The following GSE1 variants were observed in gnomAD, a reference collection of about 807,000 sequenced individuals.
The protein encoded by GSE1 is Gse1 coiled-coil protein, also known as genetic suppressor element 1.
GSE1 carries 32 observed loss-of-function variants against 112.6 expected under a neutral mutation model. The ratio of observed to expected loss-of-function variants is 0.28; its 90% CI spans 0.21 to 0.38. The LOEUF is 0.38. Ranked by LOEUF, GSE1 falls within the 10% of genes least tolerant of loss-of-function variation. GSE1 has a pLI of 1.00. For synonymous variants in GSE1, 1,115 were observed against 735.6 expected (o/e 1.52, Z -8.35); for missense variants, 2,348 against 1,699.2 (o/e 1.38, Z -6.71).
At chr16:85,199,329 TC>T (rs2074986105) in intron 1 of GSE1, among the ~76,000 whole-genome samples, 1 of 152,056 alleles carries the variant, frequency 6.6e-6, no homozygotes, top group Non-Finnish European at 1.5e-5. Context: ...CAAGCAATCC[TC>T]CCGCCTCAGC....
chr16:85,245,931 C>A lies in GSE1; in HGVS notation c.2283+74124C>A, dbSNP rs140696934. ...TGTCTACGTGTGTGTGGGGAGGTGT[C>A]TGCGTGTGTTAGTTGGGGAGCAGGG... On this transcript the variant is annotated intron_variant, in intron 1 of 2. Transcript: ENST00000637419. Among the ~76,000 whole-genome samples, 289 of 148,932 alleles carry A rather than the reference C, an allele frequency of 1.9e-3. 4 individuals are homozygous for A. The highest frequency in any genetic ancestry group is 6.9e-3 in the African/African-American group (278 of 40,334).
At chr16:85,441,358 C>T (rs954071562) in intron 2 of GSE1, among the ~76,000 whole-genome samples, 1 of 152,122 alleles carries the variant, frequency 6.6e-6, no homozygotes, top group African/African-American at 2.4e-5. Context: ...GGGACACTCA[C>T]AAAACAGGGG....
rs939831993 is a variant in GSE1 at position 85,188,867 on chromosome 16, A to C, written c.2283+17060A>C. Among the ~76,000 whole-genome samples the C allele has an allele frequency of 6.6e-5, 10 of 151,974 alleles. No individual in the cohort carries two copies. The South Asian group carries it at 1.9e-3, about 28-fold the overall frequency. On this transcript the variant is annotated intron_variant, in intron 1 of 2. Coordinates refer to the GSE1 transcript ENST00000637419. ...TTTACAAAGATCCATCATCCTCATCACTACCTCTGTTCTTACATTCACCTT... is the reference window on the plus strand; with the variant it reads ...TTTACAAAGATCCATCATCCTCATCCCTACCTCTGTTCTTACATTCACCTT...
chr16:85,321,452 T>A (rs2046105361), intron 1 of GSE1, among the ~76,000 whole-genome samples: 1 of 152,122 alleles, frequency 6.6e-6, no homozygotes, highest in African/African-American at 2.4e-5. Flanking sequence ...AGCAATGTAC[T>A]GAGGCCCCTG....
At chr16:85,265,967 G>A (rs989176440) in intron 1 of GSE1, among the ~76,000 whole-genome samples, 4 of 152,210 alleles carry the variant, frequency 2.6e-5, no homozygotes, top group Non-Finnish European at 5.9e-5. Flanking sequence ...GTTTGCTGTA[G>A]TCCCTGTAAG....
At chr16:85,231,640 C>T (rs1250834880) in intron 1 of GSE1, among the ~76,000 whole-genome samples, 1 of 152,102 alleles carries the variant, frequency 6.6e-6, no homozygotes, top group Non-Finnish European at 1.5e-5. Flanking sequence ...TGGATGTAGC[C>T]CCCTCTCCCT....
At chr16:85,481,594 T>A (rs2151872370) in intron 2 of GSE1, among the ~76,000 whole-genome samples, 1 of 152,294 alleles carries the variant, frequency 6.6e-6, no homozygotes, top group Non-Finnish European at 1.5e-5. Flanking sequence ...TGTGCCATGG[T>A]TTGGGCAATT....
At chr16:85,446,820 T>G (rs1460139059) in intron 2 of GSE1, among the ~76,000 whole-genome samples, 2 of 152,086 alleles carry the variant, frequency 1.3e-5, no homozygotes, top group Non-Finnish European at 2.9e-5. Context: ...TAGGCTCCGT[T>G]TCCTCACTGG....
At position 85,654,976 on chromosome 16, in the gene GSE1, C is replaced by T; in HGVS notation, c.782C>T (p.Pro261Leu). ...AGCTACCTGGCCCCACACCCCTTCC[C>T]CCACCCGGCCTTCAGGTGAGGCATC... ...HPSYLAPHPF[P>L]HPAFRMDDSY... is the part of the protein sequence containing the mutation. Residue 261 changes from proline to leucine, a missense_variant, in exon 5 of 16, where the codon CCC becomes CTC. Coordinates refer to ENST00000253458, the MANE Select transcript of GSE1 (RefSeq NM_014615.5). 2 of 1,594,522 alleles carry T rather than the reference C, an allele frequency of 1.3e-6. No individual in the cohort carries two copies. The highest frequency in any genetic ancestry group is 1.7e-6 in the Non-Finnish European group (2 of 1,170,768).
chr16:85,204,882 G>A (rs2075088333), intron 1 of GSE1, among the ~76,000 whole-genome samples: 1 of 152,224 alleles, frequency 6.6e-6, no homozygotes, highest in African/African-American at 2.4e-5. Context: ...TCCGCCTAGG[G>A]CCTGGGACTG....
At chr16:85,479,176 C>T (rs2050594576) in intron 2 of GSE1, among the ~76,000 whole-genome samples, 1 of 144,836 alleles carries the variant, frequency 6.9e-6, no homozygotes, top group East Asian at 2.0e-4. Context: ...CGCCCGCCAC[C>T]ATGCCCGGCT....
At chr16:85,446,637 G>C (rs2049520912) in intron 2 of GSE1, among the ~76,000 whole-genome samples, 1 of 152,192 alleles carries the variant, frequency 6.6e-6, no homozygotes, top group African/African-American at 2.4e-5. Flanking sequence ...GGGTGGCTCA[G>C]TAGACGCCAT....
At chr16:85,395,388 C>T (rs1267821952) in intron 2 of GSE1, among the ~76,000 whole-genome samples, 1 of 152,150 alleles carries the variant, frequency 6.6e-6, no homozygotes, top group Non-Finnish European at 1.5e-5. Context: ...GTGAGAAGGA[C>T]CATAGGAATC....
At chr16:85,523,376 C>G (rs1195182384) in intron 2 of GSE1, among the ~76,000 whole-genome samples, 1 of 152,232 alleles carries the variant, frequency 6.6e-6, no homozygotes, top group Non-Finnish European at 1.5e-5. Flanking sequence ...CCCTCTCCCA[C>G]TTTCGTTAAA....
At chr16:85,382,825 AAC>A (rs747767537) in intron 2 of GSE1, among the ~76,000 whole-genome samples, 43 of 150,614 alleles carry the variant, frequency 2.9e-4, no homozygotes, top group Middle Eastern at 3.4e-3. Context: ...CACATGCACA[AAC>A]ACACTCATGC....
chr16:85,240,604 A>G (rs1163754992), intron 1 of GSE1, among the ~76,000 whole-genome samples: 1 of 152,148 alleles, frequency 6.6e-6, no homozygotes, highest in Non-Finnish European at 1.5e-5. Flanking sequence ...TCCCGCTGCT[A>G]GGGGTCTCCC....
At chr16:85,212,218 C>T (rs1336550677) in intron 1 of GSE1, among the ~76,000 whole-genome samples, 2 of 152,142 alleles carry the variant, frequency 1.3e-5, no homozygotes, top group African/African-American at 2.4e-5. Context: ...CCAGCCTGGC[C>T]AACATGGTAA....
intron 2 of GSE1, among the ~76,000 whole-genome samples, chr16:85,480,701 G>T (rs1320043183): frequency 6.6e-6 from 1 of 152,106 alleles, no homozygotes; most frequent in Non-Finnish European, 1.5e-5. Flanking sequence ...GGGCGGCAGG[G>T]GTGGCCAAGG....
intron 1 of GSE1, among the ~76,000 whole-genome samples, chr16:85,318,012 C>T (rs1211485930): frequency 6.6e-6 from 1 of 152,204 alleles, no homozygotes; most frequent in East Asian, 1.9e-4. Context: ...GGAAGAATAG[C>T]ATCTGCAAAG....
Sources: allele counts gnomAD v4.1 joint callset (sites outside exome capture counted in the v4.1 genomes callset), GRCh38; gene constraint gnomAD v4.1.1; transcripts MANE v1.5; gene names NCBI Gene and HGNC (gene_info 2026-07-23, HGNC 2026-07-21).